Variants in CPNE4 observed in about 807,000 individuals in gnomAD.
CPNE4 encodes copine-4.
Under a neutral mutation model 67.9 loss-of-function variants are expected in CPNE4, and 25 were observed. The ratio of observed to expected loss-of-function variants is 0.37; its 90% CI spans 0.27 to 0.51. The LOEUF is 0.51. Among genes scored for constraint, CPNE4 ranks in the 20% least tolerant of loss-of-function variants. The pLI, the probability that CPNE4 is intolerant of heterozygous loss-of-function variation, is 0.93. For synonymous variants in CPNE4, 242 were observed against 244.9 expected (o/e 0.99, Z 0.11); for missense variants, 464 against 690.8 (o/e 0.67, Z 3.68).
At chr3:131,953,874 A>C (rs1392338350) in intron 1 of CPNE4, among the ~76,000 whole-genome samples, 2 of 152,226 alleles carry the variant, frequency 1.3e-5, no homozygotes, top group Middle Eastern at 3.2e-3. Context: ...ATATATTTCA[A>C]AATATCTAAA....
At chr3:131,799,623 C>T (rs1560338266) in intron 2 of CPNE4, among the ~76,000 whole-genome samples, 2 of 152,140 alleles carry the variant, frequency 1.3e-5, no homozygotes, top group Non-Finnish European at 1.5e-5. Context: ...TCCTCAGCAA[C>T]CCTGAATGAG....
At chr3:131,675,817 G>A (rs993703195) in intron 6 of CPNE4, among the ~76,000 whole-genome samples, 3 of 151,650 alleles carry the variant, frequency 2.0e-5, no homozygotes, top group Admixed American at 1.3e-4. Flanking sequence ...TTATCGATAG[G>A]TAAGGGGTTA....
chr3:132,016,212 T>C (rs2073887047), intron 1 of CPNE4, among the ~76,000 whole-genome samples: 1 of 152,186 alleles, frequency 6.6e-6, no homozygotes, highest in Non-Finnish European at 1.5e-5. Flanking sequence ...CCACTTAACC[T>C]AGGAATTCCA....
At chr3:131,938,532 T>C (rs894948067) in intron 1 of CPNE4, among the ~76,000 whole-genome samples, 20 of 152,084 alleles carry the variant, frequency 1.3e-4, no homozygotes, top group African/African-American at 4.8e-4. Flanking sequence ...AGAGGTTTAA[T>C]TGACTCATAG....
At chr3:131,972,643 A>G (rs1441685412) in intron 1 of CPNE4, among the ~76,000 whole-genome samples, 1 of 152,184 alleles carries the variant, frequency 6.6e-6, no homozygotes, top group Non-Finnish European at 1.5e-5. Flanking sequence ...ACCTAGTTGA[A>G]GACACAAAGG....
intron 7 of CPNE4, among the ~76,000 whole-genome samples, chr3:131,611,020 C>G (rs895559690): frequency 5.3e-5 from 8 of 152,156 alleles, no homozygotes; most frequent in Non-Finnish European, 1.5e-5. Flanking sequence ...CTCACATTTT[C>G]TTTAACCTTT....
chr3:131,540,681 G>C (rs147891519), intron 15 of CPNE4, among the ~76,000 whole-genome samples: 1 of 152,208 alleles, frequency 6.6e-6, no homozygotes, highest in Non-Finnish European at 1.5e-5. Context: ...AACTCAGTAT[G>C]AAGAATGTCA....
Position 131,561,381 on chromosome 3 carries a change from T to G in CPNE4, c.1061+2835A>C, listed in dbSNP as rs116094022. Among the ~76,000 whole-genome samples the G allele has an allele frequency of 7.2e-3, 1,090 of 151,480 alleles. 17 individuals are homozygous for G. The highest frequency in any genetic ancestry group is 0.025 in the African/African-American group (1,033 of 41,320). ...TGCGCACATACATGCGTGTGTGTTT[T>G]TGTGTGTGTGTACAAGTAGTTGTGC... is the stretch of plus-strand genomic sequence containing the variant. On this transcript the variant is annotated intron_variant, in intron 11 of 15. Transcript: ENST00000429747.
intron 2 of CPNE4, among the ~76,000 whole-genome samples, chr3:131,787,337 G>A (rs2083594085): frequency 6.6e-6 from 1 of 152,178 alleles, no homozygotes; most frequent in Non-Finnish European, 1.5e-5. Context: ...ACAGGATTCA[G>A]CAGAGGGAGA....
At chr3:131,639,559 C>T (rs1264361162) in intron 7 of CPNE4, among the ~76,000 whole-genome samples, 4 of 151,942 alleles carry the variant, frequency 2.6e-5, no homozygotes, top group South Asian at 2.1e-4. Flanking sequence ...TGGATTTGGA[C>T]CTGAATTCTA....
At chr3:131,858,994 T>C (rs767998941) in intron 2 of CPNE4, among the ~76,000 whole-genome samples, 4 of 152,182 alleles carry the variant, frequency 2.6e-5, no homozygotes, top group Non-Finnish European at 5.9e-5. Context: ...GCTATTTGTA[T>C]TAAAGTTGAG....
chr3:131,936,085 C>T (rs1583477043), intron 1 of CPNE4, among the ~76,000 whole-genome samples: 1 of 151,638 alleles, frequency 6.6e-6, no homozygotes, highest in Non-Finnish European at 1.5e-5. Flanking sequence ...ATGCATAAAT[C>T]AACACTTTTG....
chr3:131,556,446 G>A (rs1051687626), intron 11 of CPNE4, among the ~76,000 whole-genome samples: 3 of 152,008 alleles, frequency 2.0e-5, no homozygotes, highest in African/African-American at 7.2e-5. Flanking sequence ...CCCTCTACAT[G>A]ACTCATTGTG....
chr3:131,617,601 C>A (rs1471445447), intron 7 of CPNE4, among the ~76,000 whole-genome samples: 1 of 152,132 alleles, frequency 6.6e-6, no homozygotes, highest in Non-Finnish European at 1.5e-5. Context: ...TTTATCATAA[C>A]CCTCACTTTC....
chr3:131,667,778 T>C (rs977565088), intron 7 of CPNE4, among the ~76,000 whole-genome samples: 2 of 152,180 alleles, frequency 1.3e-5, no homozygotes, highest in Admixed American at 1.3e-4. Flanking sequence ...GTGTTCCTTT[T>C]CTGCATTTTT....
Position 131,678,708 on chromosome 3 carries a change from C to A in CPNE4, c.591+7167G>T, listed in dbSNP as rs1035787223. ...ATTGAGGTAATCTTGTGGTTTTTGT[C>A]TTTTGTTCTGTTTATGTGATGAATC... On this transcript the variant is annotated intron_variant, in intron 6 of 15. Coordinates refer to ENST00000429747, the MANE Select transcript of CPNE4 (RefSeq NM_130808.3). Among the ~76,000 whole-genome samples the A allele has an allele frequency of 3.1e-4, 47 of 152,068 alleles. No individual in the cohort carries two copies. The East Asian group carries it at 8.7e-3, about 28-fold the overall frequency.
chr3:131,729,532 T>C (rs1259458186), intron 2 of CPNE4, among the ~76,000 whole-genome samples: 1 of 152,226 alleles, frequency 6.6e-6, no homozygotes, highest in Non-Finnish European at 1.5e-5. Context: ...TGGCTTGTTC[T>C]GTAGCTGCAA....
intron 2 of CPNE4, among the ~76,000 whole-genome samples, chr3:131,748,369 T>G (rs1489926615): frequency 6.6e-6 from 1 of 152,052 alleles, no homozygotes; most frequent in Non-Finnish European, 1.5e-5. Flanking sequence ...ATGGTAAGAA[T>G]TTTTGCATCT....
At chr3:131,990,467 T>A (rs1235838630) in intron 1 of CPNE4, among the ~76,000 whole-genome samples, 1 of 134,592 alleles carries the variant, frequency 7.4e-6, no homozygotes, top group African/African-American at 2.5e-5. Context: ...TTCTTTTTTT[T>A]AAACACCCCC....
Sources: gnomAD v4.1 joint callset for allele counts (sites outside exome capture counted in the v4.1 genomes callset) on GRCh38, gnomAD v4.1.1 for gene constraint, MANE v1.5 for transcripts, NCBI Gene and HGNC (gene_info 2026-07-23, HGNC 2026-07-21) for gene names.